The following TTBK2 variants were observed in gnomAD, a reference collection of about 807,000 sequenced individuals.
TTBK2 encodes tau tubulin kinase 2.
A neutral mutation model predicts 110.8 loss-of-function variants in TTBK2; 28 were observed. That is an observed-to-expected ratio of 0.25 (90% CI 0.19 to 0.35). The LOEUF is 0.35. TTBK2 is among the 10% of genes least tolerant of loss of function. The pLI, the probability that TTBK2 is intolerant of heterozygous loss-of-function variation, is 1.00. For missense variants in TTBK2, 1,369 were observed against 1,500.3 expected (o/e 0.91, Z 1.45); for synonymous variants, 532 against 527.3 (o/e 1.01, Z -0.12).
intron 3 of TTBK2, among the ~76,000 whole-genome samples, chr15:42,854,246 T>C (rs1415200998): frequency 6.6e-6 from 1 of 152,226 alleles, no homozygotes; most frequent in Non-Finnish European, 1.5e-5. Context: ...GCCTACAGAA[T>C]ACTTTTAAAA....
chr15:42,888,665 T>C (rs1203011869), intron 1 of TTBK2, among the ~76,000 whole-genome samples: 1 of 152,136 alleles, frequency 6.6e-6, no homozygotes, highest in Non-Finnish European at 1.5e-5. Context: ...TGCACCACCA[T>C]GCTGTTATGG....
chr15:42,798,538 A>G (rs1891043726), intron 9 of TTBK2, among the ~76,000 whole-genome samples: 1 of 152,240 alleles, frequency 6.6e-6, no homozygotes, highest in African/African-American at 2.4e-5. Flanking sequence ...AATGTGGCAC[A>G]GCTTCCTCAA....
At position 42,783,585 on chromosome 15, in the gene TTBK2, T is replaced by C; in HGVS notation, c.1031A>G (p.Asp344Gly). Reference sequence around the variant, plus strand: ...AAGCTGTTCATCTGGAAATACCTCATCTGTATTTTCTCGAAGCAAGTCTCC... The same window carrying C: ...AAGCTGTTCATCTGGAAATACCTCACCTGTATTTTCTCGAAGCAAGTCTCC... Reference protein sequence around the residue: ...IPGDLLRENTDEVFPDEQLSD... With the variant: ...IPGDLLRENTGEVFPDEQLSD... The change falls in exon 11 of 15, where the codon GAT becomes GGT. Residue 344 changes from aspartate to glycine, a missense_variant. Physicochemically the swap from Asp to Gly is moderately conservative, Grantham distance 94. Transcript: ENST00000267890. 1 of 1,614,094 alleles carries C rather than the reference T, an allele frequency of 6.2e-7. No homozygotes were observed. Among genetic ancestry groups the C allele is most frequent in the East Asian group, 2.2e-5 (1 of 44,874 alleles).
At chr15:42,896,886 T>C (rs997591517) in intron 1 of TTBK2, among the ~76,000 whole-genome samples, 2 of 148,940 alleles carry the variant, frequency 1.3e-5, no homozygotes, top group Non-Finnish European at 3.0e-5. Flanking sequence ...AGTTTTAGAT[T>C]TTTTTTTTTT....
At position 42,741,440 on chromosome 15, in the gene TTBK2, A is replaced by AT. The variant is rs2061750673; in HGVS notation, c.*4354dup. 1 of 152,328 alleles carries AT rather than the reference A, an allele frequency of 6.6e-6. No homozygotes were observed. The highest frequency in any genetic ancestry group is 2.4e-5 in the African/African-American group (1 of 41,572). 9.4% of individuals were successfully genotyped at this position (152,328 alleles called of 1,614,324 possible). ...TTTTGTGTGGTATCATTCTGCTAAT[A>AT]TATTGTCCACAGGGCCAAACCCCAA... is the stretch of plus-strand genomic sequence containing the variant. On this transcript the variant is annotated 3_prime_UTR_variant, in exon 15 of 15. Coordinates refer to ENST00000267890, the MANE Select transcript of TTBK2 (RefSeq NM_173500.4).
intron 9 of TTBK2, 70 bp from the exon 10 acceptor site, chr15:42,794,871 C>G: frequency 1.9e-6 from 3 of 1,582,326 alleles, no homozygotes; most frequent in Non-Finnish European, 2.6e-6. Flanking sequence ...TAAGAGAAAG[C>G]ACACCAGACT....
rs1225218493 is a variant in TTBK2 at position 42,859,240 on chromosome 15, G to A, written c.217+13371C>T. Among the ~76,000 whole-genome samples, 6 of 152,202 alleles carry A rather than the reference G, an allele frequency of 3.9e-5. No homozygotes were observed. In the East Asian group the frequency reaches 1.2e-3, roughly 29 times the overall value. ...CCACCTCTCAGCCTCCTGAGTAGCT[G>A]GGACTACAGGTGCACACCACCATGT... is the stretch of plus-strand genomic sequence containing the variant. On this transcript the variant is annotated intron_variant, in intron 3 of 14. Transcript: ENST00000267890.
At position 42,878,579 on chromosome 15, in the gene TTBK2, A is replaced by G. The variant is rs1894915197; in HGVS notation, c.39T>C (p.Val13=). The G allele has an allele frequency of 8.1e-6, 13 of 1,613,224 alleles. No individual in the cohort carries two copies. Among genetic ancestry groups the G allele is most frequent in the Non-Finnish European group, 1.1e-5 (13 of 1,179,870 alleles). The change falls in exon 2 of 15, where the codon GTT becomes GTC. Residue 13 remains valine, a synonymous_variant. Transcript: ENST00000267890. ...GGGEQLDILS[V]GILVKERWKV... ...TCCATCTTTCTTTCACTAGGATTCC[A>G]ACACTCAGGATATCCAGCTGCTCTC...
At chr15:42,863,416 G>A (rs1290018880) in intron 3 of TTBK2, among the ~76,000 whole-genome samples, 1 of 152,112 alleles carries the variant, frequency 6.6e-6, no homozygotes, top group African/African-American at 2.4e-5. Flanking sequence ...ATTGCTGAAA[G>A]AAATCAGGAA....
At chr15:42,815,003 T>C (rs1030582862) in intron 7 of TTBK2, among the ~76,000 whole-genome samples, 2 of 152,200 alleles carry the variant, frequency 1.3e-5, no homozygotes, top group African/African-American at 4.8e-5. Context: ...ATTAGCTATT[T>C]TGAAAATGCT....
At chr15:42,816,961 TAAA>T (rs1454496252) in intron 7 of TTBK2, 68 bp downstream of exon 7, 1 of 828,828 alleles carries the variant, frequency 1.2e-6, no homozygotes, top group African/African-American at 1.9e-5. Context: ...AATAATAAAA[TAAA>T]AAAGAAGTCA....
chr15:42,816,466 G>A (rs1486570575), intron 7 of TTBK2, among the ~76,000 whole-genome samples: 2 of 151,722 alleles, frequency 1.3e-5, no homozygotes, highest in Non-Finnish European at 2.9e-5. Flanking sequence ...GTCTTTTCTG[G>A]CAAATCCAAT....
chr15:42,766,687 G>A (rs1889397037), intron 13 of TTBK2, among the ~76,000 whole-genome samples: 1 of 152,068 alleles, frequency 6.6e-6, no homozygotes, highest in African/African-American at 2.4e-5. Flanking sequence ...AATAATGGGA[G>A]ACTTTAACAC....
At chr15:42,837,657 CAAAA>C (rs35898464) in intron 4 of TTBK2, among the ~76,000 whole-genome samples, 2 of 39,994 alleles carry the variant, frequency 5.0e-5, no homozygotes, top group African/African-American at 9.1e-5. Flanking sequence ...GACTCTGTCT[CAAAA>C]AAAAAAAAAA....
chr15:42,782,749 C>T (rs76944531), intron 11 of TTBK2, among the ~76,000 whole-genome samples: 1,564 of 152,314 alleles, frequency 0.01, 26 homozygotes, highest in African/African-American at 0.034. Flanking sequence ...ATTCAAATTT[C>T]ACTGAGATTA....
chr15:42,902,522 T>C (rs181858517), intron 1 of TTBK2, among the ~76,000 whole-genome samples: 5 of 151,404 alleles, frequency 3.3e-5, no homozygotes, highest in Admixed American at 3.3e-4. Context: ...CTCCGTCTTA[T>C]GTATATTAAA....
intron 6 of TTBK2, among the ~76,000 whole-genome samples, chr15:42,822,683 A>G (rs1287889074): frequency 6.6e-6 from 1 of 152,256 alleles, no homozygotes. Context: ...GGCTTATAAC[A>G]GTAGGTAATT....
intron 3 of TTBK2, among the ~76,000 whole-genome samples, chr15:42,841,255 G>A (rs1211521031): frequency 6.6e-6 from 1 of 152,138 alleles, no homozygotes; most frequent in Non-Finnish European, 1.5e-5. Context: ...TGCCCAGGCT[G>A]AAGTGCAGTG....
In TTBK2 at chr15:42,761,055, C is replaced by T. The variant is rs149145106; in HGVS notation, c.1999-7808G>A. Among the ~76,000 whole-genome samples, 339 of 152,238 alleles carry T rather than the reference C, an allele frequency of 2.2e-3. 1 individual carries two copies. The highest frequency in any genetic ancestry group is 7.9e-3 in the African/African-American group (330 of 41,538). On this transcript the variant is annotated intron_variant, in intron 13 of 14. Transcript: ENST00000267890. ...TTTATCTACAGCCAACTGAGTTTGA[C>T]AAAGGCACCACAGCATTCACTGGGG...
Sources: allele counts gnomAD v4.1 joint callset (sites outside exome capture counted in the v4.1 genomes callset), GRCh38; gene constraint gnomAD v4.1.1; transcripts MANE v1.5; gene names NCBI Gene and HGNC (gene_info 2026-07-23, HGNC 2026-07-21).